Variants in SPAG17 observed in about 807,000 individuals in gnomAD.
SPAG17 encodes sperm-associated antigen 17.
SPAG17 carries 169 observed loss-of-function variants against 273.6 expected under a neutral mutation model. That is an observed-to-expected ratio of 0.62 (90% confidence interval 0.55 to 0.70). The LOEUF (loss-of-function observed/expected upper bound fraction) is 0.70, where lower values mean the gene tolerates loss of function less well. Among genes scored for constraint, SPAG17 ranks in the 30% least tolerant of loss-of-function variants. The pLI is 0.00. For synonymous variants in SPAG17, 825 were observed against 873.2 expected, an observed-to-expected ratio of 0.94 and a Z score of 0.97; for missense variants, 2,557 against 2,627.8, an observed-to-expected ratio of 0.97 and a Z score of 0.59.
rs373871887 is a variant in SPAG17, at chr1:118,185,061, C to A, written c.87+10G>T. On this transcript the variant is annotated intron_variant, in intron 1 of 48. Coordinates refer to ENST00000336338, the MANE Select transcript of SPAG17 (RefSeq NM_206996.4). ...GGGGGCAGGGAGGGCTTAAAGGGCT[C>A]AAGGCTCACCTGATTGAACTGTGCA... 2 of 1,613,588 alleles carry A rather than the reference C, an allele frequency of 1.2e-6. No individual in the cohort carries two copies. Among genetic ancestry groups the A allele is most frequent in the African/African-American group, 2.7e-5 (2 of 74,936 alleles).
chr1:118,145,507 A>G (rs2102332637), intron 3 of SPAG17, among the ~76,000 whole-genome samples: 1 of 152,338 alleles, frequency 6.6e-6, no homozygotes, highest in South Asian at 2.1e-4. Context: ...GAAATGCATT[A>G]GATCTGAAGA....
chr1:118,143,998 A>C (rs1658829372), intron 3 of SPAG17, among the ~76,000 whole-genome samples: 1 of 151,778 alleles, frequency 6.6e-6, no homozygotes, highest in African/African-American at 2.4e-5. Flanking sequence ...CATCACCACC[A>C]CACCTCCCCA....
chr1:118,037,082 T>A (rs1336353065), intron 23 of SPAG17, among the ~76,000 whole-genome samples, 199 bp from the exon 24 acceptor site: 5 of 152,068 alleles, frequency 3.3e-5, no homozygotes, highest in Non-Finnish European at 7.4e-5. Context: ...GAAACTCTTG[T>A]TTTAGGGACC....
chr1:118,042,118 G>C (rs922677744), intron 20 of SPAG17, 76 bp from the exon 21 acceptor site: 4 of 1,514,342 alleles, frequency 2.6e-6, no homozygotes, highest in Non-Finnish European at 3.6e-6. Flanking sequence ...TCATTTTGAA[G>C]AATATTTAAC....
At position 118,015,967 on chromosome 1, in the gene SPAG17, T is replaced by C. The variant is rs1414101659; in HGVS notation, c.4285A>G (p.Thr1429Ala). 4 of 1,613,710 alleles carry C rather than the reference T, an allele frequency of 2.5e-6. 1 individual carries two copies. Among genetic ancestry groups the C allele is most frequent in the South Asian group, 2.2e-5 (2 of 91,040 alleles). ...CAATAAACAATAGTTTGTCATACCG[T>C]TCCATTGACAGGATCTGTGGCCTGA... Reference protein sequence around the residue: ...SFQATDPVNGTVMTTREDKVV... With the variant: ...SFQATDPVNGAVMTTREDKVV... Residue 1429 changes from threonine (T) to alanine (A), a missense_variant and splice_region_variant, in exon 29 of 49, where the codon ACG (threonine) becomes GCG (alanine). Transcript: ENST00000336338.
At chr1:118,170,528 A>C (rs554991646) in intron 1 of SPAG17, among the ~76,000 whole-genome samples, 1 of 152,298 alleles carries the variant, frequency 6.6e-6, no homozygotes, top group Admixed American at 6.5e-5. Flanking sequence ...GAGAGCAGAA[A>C]AGAGAGAGAT....
chr1:118,173,143 C>T (rs535602220), intron 1 of SPAG17, among the ~76,000 whole-genome samples: 1 of 151,006 alleles, frequency 6.6e-6, no homozygotes, highest in Non-Finnish European at 1.5e-5. Flanking sequence ...AAAAAAAAAA[C>T]CGTAGAGACT....
intron 20 of SPAG17, among the ~76,000 whole-genome samples, chr1:118,049,045 G>C (rs142047474): frequency 3.4e-4 from 51 of 152,160 alleles, no homozygotes; most frequent in African/African-American, 1.2e-3. Flanking sequence ...ATACAAAACT[G>C]AACATACAAA....
At chr1:118,090,688 A>G (rs771120616) in intron 10 of SPAG17, among the ~76,000 whole-genome samples, 2 of 152,118 alleles carry the variant, frequency 1.3e-5, no homozygotes, top group African/African-American at 2.4e-5. Context: ...GTTAAAGACC[A>G]TACTGGGCAA....
Position 118,041,804 on chromosome 1 carries a change from G to A in SPAG17, c.3053C>T (p.Pro1018Leu), listed in dbSNP as rs761508221. 6.2e-6 allele frequency: 10 copies of A among 1,607,898 alleles called. No individual in the cohort carries two copies. The highest frequency in any genetic ancestry group is 2.7e-5 in the African/African-American group (2 of 74,370). Residue 1018 changes from proline to leucine, a missense_variant and splice_region_variant, in exon 21 of 49, where the codon CCG becomes CTG. Pro to Leu is a moderately conservative substitution (Grantham distance 98). Coordinates refer to ENST00000336338, the MANE Select transcript of SPAG17 (RefSeq NM_206996.4). Reference protein sequence around the residue: ...PHQPEPKITYPFHGYNMGNIP... With the variant: ...PHQPEPKITYLFHGYNMGNIP... ...AAGTTTTACAGAATTGGAGTTTACCGGGTAAGTTATCTTAGGTTCTGGTTG... is the reference window on the plus strand; with the variant it reads ...AAGTTTTACAGAATTGGAGTTTACCAGGTAAGTTATCTTAGGTTCTGGTTG...
At chr1:118,164,646 A>G (rs1015523066) in intron 1 of SPAG17, among the ~76,000 whole-genome samples, 1 of 152,188 alleles carries the variant, frequency 6.6e-6, no homozygotes, top group Non-Finnish European at 1.5e-5. Context: ...TCTCCAATCT[A>G]TTAGTTTTTC....
At chr1:118,063,940 C>T (rs1231959341) in intron 18 of SPAG17, among the ~76,000 whole-genome samples, 1 of 152,188 alleles carries the variant, frequency 6.6e-6, no homozygotes, top group Non-Finnish European at 1.5e-5. Flanking sequence ...TGAACAGACA[C>T]TTCTCAAAAG....
At chr1:118,143,400 T>A in intron 3 of SPAG17, among the ~76,000 whole-genome samples, 1 of 152,140 alleles carries the variant, frequency 6.6e-6, no homozygotes, top group East Asian at 1.9e-4. Flanking sequence ...TGAAAGGTTG[T>A]TAAGATGGTT....
chr1:118,068,333 T>C (rs1358234821), intron 17 of SPAG17, among the ~76,000 whole-genome samples: 1 of 152,128 alleles, frequency 6.6e-6, no homozygotes, highest in Admixed American at 6.5e-5. Context: ...GAAACATACA[T>C]GTGGTGAATA....
chr1:117,987,716 T>C lies in SPAG17; in HGVS notation c.5669+118A>G, dbSNP rs998717946. The C allele has an allele frequency of 1.4e-5, 14 of 976,320 alleles. No homozygotes were observed. In the East Asian group the frequency reaches 2.8e-4, roughly 19 times the overall value. 60.5% of individuals were successfully genotyped at this position (976,320 alleles called of 1,614,324 possible). ...GCTGAATGACCACTTGGTAGACATG[T>C]TGCAGAAGAGAATCAAATAACATCT... is the stretch of plus-strand genomic sequence containing the variant. On this transcript the variant is annotated intron_variant, in intron 40 of 48. Transcript: ENST00000336338.
At chr1:118,020,762 C>A (rs1660422132) in intron 28 of SPAG17, among the ~76,000 whole-genome samples, 1 of 152,034 alleles carries the variant, frequency 6.6e-6, no homozygotes, top group South Asian at 2.1e-4. Flanking sequence ...GGACTATGGA[C>A]AAATAAGGCC....
At chr1:118,143,228 C>G (rs1046861171) in intron 3 of SPAG17, among the ~76,000 whole-genome samples, 65 of 152,316 alleles carry the variant, frequency 4.3e-4, no homozygotes, top group African/African-American at 1.4e-3. Flanking sequence ...TTCTAAGTAA[C>G]TAGCAGTAGC....
chr1:118,103,840 A>AGTGTGTGTGTGTGTGT (rs60797775), intron 4 of SPAG17, among the ~76,000 whole-genome samples: 19,428 of 136,138 alleles, frequency 0.14, 1,671 homozygotes, highest in Non-Finnish European at 0.16. Context: ...GGGAAAATGT[A>AGTGTGTGTGTGTGTGT]GTGTGTGTGT....
intron 3 of SPAG17, among the ~76,000 whole-genome samples, chr1:118,145,697 A>AT (rs1321988868): frequency 1.3e-5 from 2 of 151,880 alleles, no homozygotes; most frequent in Non-Finnish European, 1.5e-5. Flanking sequence ...AAATATGAGA[A>AT]TTTTTTTACT....
Sources: gnomAD v4.1 joint callset for allele counts (sites outside exome capture counted in the v4.1 genomes callset) on GRCh38, gnomAD v4.1.1 for gene constraint, MANE v1.5 for transcripts, NCBI Gene and HGNC (gene_info 2026-07-23, HGNC 2026-07-21) for gene names.